SLX4IP: variants seen among roughly 807,000 people sequenced by gnomAD.
SLX4IP encodes protein SLX4IP.
Under a neutral mutation model 32.9 loss-of-function variants are expected in SLX4IP, and 34 were observed. The ratio of observed to expected loss-of-function variants is 1.03; its 90% CI spans 0.79 to 1.38. The LOEUF (loss-of-function observed/expected upper bound fraction) is 1.38. Among genes scored for constraint, SLX4IP ranks in the 40% most tolerant of loss-of-function variants. SLX4IP has a pLI of 0.00. For missense variants in SLX4IP, 444 were observed against 479.0 expected (o/e 0.93, Z 0.68); for synonymous variants, 172 against 171.7 (o/e 1.00, Z -0.01).
In SLX4IP at chr20:10,491,653, CTT is replaced by C. The variant is rs1295645775; in HGVS notation, c.27+33423_27+33424del. On this transcript the variant is annotated intron_variant, in intron 2 of 7. Transcript: ENST00000334534. Reference sequence around the variant, plus strand: ...GTGATTCTCTTATTAAATCTTTAAACTTATGTGTTATGTAATAATTTGATACA... The same window carrying C: ...GTGATTCTCTTATTAAATCTTTAAACATGTGTTATGTAATAATTTGATACA... 2.0e-5 allele frequency among the ~76,000 whole-genome samples: 3 copies of C among 152,170 alleles called. No homozygotes were observed. In the East Asian group the frequency reaches 5.8e-4, roughly 29 times the overall value.
chr20:10,480,896 G>C (rs1383613973), intron 2 of SLX4IP, among the ~76,000 whole-genome samples: 2 of 152,058 alleles, frequency 1.3e-5, no homozygotes, highest in African/African-American at 2.4e-5. Context: ...TCAGAGCTTT[G>C]TAACAACATT....
At chr20:10,510,461 G>C (rs1407953413) in intron 2 of SLX4IP, among the ~76,000 whole-genome samples, 1 of 152,208 alleles carries the variant, frequency 6.6e-6, no homozygotes, top group African/African-American at 2.4e-5. Context: ...CTTCCTGCTA[G>C]TATCAGCGGG....
chr20:10,498,684 CT>C (rs34070774), intron 2 of SLX4IP, among the ~76,000 whole-genome samples: 92,488 of 141,096 alleles, frequency 0.66, 30,109 homozygotes, highest in African/African-American at 0.76. Context: ...CTTTTCTTTT[CT>C]TTTTTTTTTT....
In SLX4IP at chr20:10,625,523, G is replaced by C. The variant is rs977437999; in HGVS notation, c.*2144G>C. 2.6e-5 allele frequency: 4 copies of C among 152,214 alleles called. No homozygotes were observed. The highest frequency in any genetic ancestry group is 5.9e-5 in the Non-Finnish European group (4 of 68,046). 9.4% of individuals were successfully genotyped at this position (152,214 alleles called of 1,614,324 possible). A position where few individuals can be genotyped will look rare whatever the true frequency, so the allele number is the denominator to read the frequency against. On this transcript the variant is annotated 3_prime_UTR_variant, in exon 8 of 8. Transcript: ENST00000334534. Reference sequence around the variant, plus strand: ...TGTTTTCTTCTAATCTTTCTCTGAAGTATCACTCTGGTATTGAGAAATTTT... The same window carrying C: ...TGTTTTCTTCTAATCTTTCTCTGAACTATCACTCTGGTATTGAGAAATTTT...
intron 2 of SLX4IP, among the ~76,000 whole-genome samples, chr20:10,518,180 A>G (rs2065865886): frequency 6.6e-6 from 1 of 152,164 alleles, no homozygotes; most frequent in Non-Finnish European, 1.5e-5. Flanking sequence ...AAGTTGAAGG[A>G]AAAAAAGAGT....
intron 2 of SLX4IP, among the ~76,000 whole-genome samples, chr20:10,541,903 A>C (rs225157): frequency 7.2e-5 from 11 of 152,238 alleles, no homozygotes; most frequent in African/African-American, 2.7e-4. Flanking sequence ...GGGGGCAGCC[A>C]GTGTTTGCAT....
intron 4 of SLX4IP, among the ~76,000 whole-genome samples, chr20:10,595,075 G>A (rs1018355747): frequency 6.6e-6 from 1 of 152,140 alleles, no homozygotes; most frequent in African/African-American, 2.4e-5. Flanking sequence ...GGTGGCACAA[G>A]AACTGGAGAT....
At chr20:10,616,679 G>A (rs7270928) in intron 6 of SLX4IP, among the ~76,000 whole-genome samples, 2,426 of 152,008 alleles carry the variant, frequency 0.016, 70 homozygotes, top group African/African-American at 0.055. Flanking sequence ...GCTCTTCCCC[G>A]TCTGCTTTTG....
chr20:10,604,291 C>G (rs952364988), intron 6 of SLX4IP, among the ~76,000 whole-genome samples: 2 of 152,264 alleles, frequency 1.3e-5, no homozygotes, highest in Non-Finnish European at 2.9e-5. Context: ...ACTTAACTCA[C>G]TCTTCTGCAG....
At chr20:10,582,647 G>A (rs959886352) in intron 4 of SLX4IP, among the ~76,000 whole-genome samples, 1 of 152,188 alleles carries the variant, frequency 6.6e-6, no homozygotes, top group South Asian at 2.1e-4. Flanking sequence ...TGAAGTTATT[G>A]TTCGTATTTT....
chr20:10,536,901 G>A (rs977068597), intron 2 of SLX4IP, among the ~76,000 whole-genome samples: 1 of 152,144 alleles, frequency 6.6e-6, no homozygotes, highest in African/African-American at 2.4e-5. Flanking sequence ...GCCACTTTCT[G>A]TTTGGCAAAA....
intron 4 of SLX4IP, among the ~76,000 whole-genome samples, chr20:10,577,340 C>A (rs116231102): frequency 0.021 from 3,172 of 151,876 alleles, 113 homozygotes; most frequent in African/African-American, 0.072. Context: ...ATCTTTTTTT[C>A]CTCTAGCTTT....
At chr20:10,452,620 C>A (rs1289651586) in intron 1 of SLX4IP, among the ~76,000 whole-genome samples, 1 of 147,070 alleles carries the variant, frequency 6.8e-6, no homozygotes, top group Non-Finnish European at 1.5e-5. Flanking sequence ...GAGCTGAGAT[C>A]ACGCTATTGC....
rs2067125443 is a variant in SLX4IP at position 10,622,718 on chromosome 20, C to G, written c.566C>G (p.Thr189Ser). ...AGCAAATCGCAGACCAGAAGAGACA[C>G]TGTGGAAACATCTAGTGACTCAGTG... ...VTSKSQTRRD[T>S]VETSSDSVIA... The change falls in exon 8 of 8, where the codon ACT (threonine) becomes AGT (serine). Residue 189 changes from threonine (T) to serine (S), a missense_variant. By Grantham distance (58) the Thr-to-Ser change is moderately conservative (BLOSUM62 1). Coordinates refer to ENST00000334534, the MANE Select transcript of SLX4IP (RefSeq NM_001009608.3). 6.2e-7 allele frequency: 1 copy of G among 1,613,872 alleles called. No individual in the cohort carries two copies. Among genetic ancestry groups the G allele is most frequent in the African/African-American group, 1.3e-5 (1 of 74,916 alleles).
chr20:10,520,057 C>CT (rs199927879), intron 2 of SLX4IP, among the ~76,000 whole-genome samples: 7,743 of 150,512 alleles, frequency 0.051, 279 homozygotes, highest in Admixed American at 0.11. Context: ...TTTTTCTTTT[C>CT]TTTTTTTTAT....
chr20:10,569,134 C>T (rs577246316), intron 4 of SLX4IP, among the ~76,000 whole-genome samples: 1 of 151,124 alleles, frequency 6.6e-6, no homozygotes, highest in South Asian at 2.1e-4. Context: ...AATCTGGAGA[C>T]TGGCCAGGTG....
At chr20:10,464,735 C>T (rs1352682659) in intron 2 of SLX4IP, among the ~76,000 whole-genome samples, 1 of 152,144 alleles carries the variant, frequency 6.6e-6, no homozygotes, top group African/African-American at 2.4e-5. Flanking sequence ...ATTATTCATG[C>T]AAACGACTTA....
intron 2 of SLX4IP, among the ~76,000 whole-genome samples, chr20:10,484,899 A>G (rs2065558981): frequency 6.6e-6 from 1 of 152,098 alleles, no homozygotes; most frequent in Non-Finnish European, 1.5e-5. Context: ...ATGTGGGTAC[A>G]CCTGAATTCC....
rs117568083 is a variant in SLX4IP at position 10,558,790 on chromosome 20, G to A, written c.118-1910G>A. 8.5e-3 allele frequency among the ~76,000 whole-genome samples: 1,292 copies of A among 152,218 alleles called. 11 individuals carry two copies. The highest frequency in any genetic ancestry group is 0.014 in the Non-Finnish European group (954 of 67,998). On this transcript the variant is annotated intron_variant, in intron 3 of 7. Transcript: ENST00000334534. ...TTGTTCTTCTTATCTGCCCCTCAAA[G>A]GTAGCTGAGAAGTTTTCTTTTCTTG... is the stretch of plus-strand genomic sequence containing the variant.
Sources: gnomAD v4.1 joint callset for allele counts (sites outside exome capture counted in the v4.1 genomes callset) on GRCh38, gnomAD v4.1.1 for gene constraint, MANE v1.5 for transcripts, NCBI Gene and HGNC (gene_info 2026-07-23, HGNC 2026-07-21) for gene names.